The following CABIN1 variants were observed in gnomAD, a reference collection of about 807,000 sequenced individuals.
CABIN1 encodes calcineurin-binding protein cabin-1.
A neutral mutation model predicts 227.7 loss-of-function variants in CABIN1; 133 were observed. The observed-to-expected ratio is 0.58, with a 90% CI of 0.51 to 0.67. The LOEUF is 0.67. Ranked by LOEUF, CABIN1 falls within the 30% of genes least tolerant of loss-of-function variation. CABIN1 has a pLI of 0.00. For synonymous variants in CABIN1, 1,086 were observed against 1,155.1 expected (o/e 0.94, Z 1.21); for missense variants, 2,408 against 2,852.5 (o/e 0.84, Z 3.55).
At chr22:24,137,747 C>T (rs973749398) in intron 29 of CABIN1, among the ~76,000 whole-genome samples, 1 of 152,254 alleles carries the variant, frequency 6.6e-6, no homozygotes, top group Non-Finnish European at 1.5e-5. Context: ...TTCCTGAATG[C>T]TTTCAGCAAA....
intron 32 of CABIN1, 101 bp downstream of exon 32, chr22:24,167,414 C>T (rs887705025): frequency 3.5e-5 from 42 of 1,192,152 alleles, no homozygotes; most frequent in Non-Finnish European, 4.9e-5. Context: ...GCCCTTGGGG[C>T]GGGTTTTAGG....
chr22:24,049,407 C>T (rs2038150947), intron 7 of CABIN1, among the ~76,000 whole-genome samples, 187 bp downstream of exon 7: 1 of 152,178 alleles, frequency 6.6e-6, no homozygotes, highest in Non-Finnish European at 1.5e-5. Context: ...CCCACCTCTA[C>T]CTAATCTTGG....
intron 8 of CABIN1, among the ~76,000 whole-genome samples, chr22:24,051,404 G>A (rs1027908073): frequency 6.6e-6 from 1 of 152,094 alleles, no homozygotes; most frequent in Non-Finnish European, 1.5e-5. Flanking sequence ...CTAGGGCCAC[G>A]TGGGGAGCCC....
intron 24 of CABIN1, among the ~76,000 whole-genome samples, chr22:24,094,850 C>G (rs1259521020): frequency 1.4e-5 from 2 of 140,816 alleles, no homozygotes; most frequent in African/African-American, 2.6e-5. Context: ...AAAAAAGAAA[C>G]AAAAATGACA....
At chr22:24,091,500 C>T (rs1228613018) in intron 23 of CABIN1, 83 bp from the exon 24 acceptor site, 21 of 1,561,402 alleles carry the variant, frequency 1.3e-5, no homozygotes, top group East Asian at 9.0e-5. Context: ...GCAAATAGGT[C>T]GGCAGAGCTT....
rs766971496 is a variant in CABIN1, at chr22:24,067,067, G to A, written c.2118G>A (p.Lys706=). ...GGCTGTATGAAGCAGGCGACTACAA[G>A]GCTGTTGTGCATCTGCTCCGCCCCA... ...IQRLYEAGDY[K]AVVHLLRPTL... Residue 706 remains lysine (K), a synonymous_variant, in exon 16 of 37, where the codon AAG becomes AAA. Transcript: ENST00000263119. 1.7e-5 allele frequency: 28 copies of A among 1,614,220 alleles called. No homozygotes were observed. Among genetic ancestry groups the A allele is most frequent in the African/African-American group, 2.7e-5 (2 of 75,052 alleles).
chr22:24,023,556 T>G (rs2035870911), intron 1 of CABIN1, among the ~76,000 whole-genome samples: 1 of 152,186 alleles, frequency 6.6e-6, no homozygotes, highest in South Asian at 2.1e-4. Context: ...TTATTTTCCA[T>G]TTCCTTTCTG....
chr22:24,105,208 G>A (rs1602110831), intron 26 of CABIN1, among the ~76,000 whole-genome samples: 1 of 152,160 alleles, frequency 6.6e-6, no homozygotes, highest in South Asian at 2.1e-4. Context: ...GTTGCCAGCT[G>A]TCATTCCTTT....
rs1281871148 is a variant in CABIN1, at chr22:24,036,264, C to T, written c.96+83C>T. Reference sequence around the variant, plus strand: ...TCATTTTAAATACATTTAGGCATCTCCTCAGTGGGGCTTTAGGGGGAAATT... The same window carrying T: ...TCATTTTAAATACATTTAGGCATCTTCTCAGTGGGGCTTTAGGGGGAAATT... On this transcript the variant is annotated intron_variant, in intron 3 of 36. Transcript: ENST00000263119. 3.1e-6 allele frequency: 3 copies of T among 971,722 alleles called. No individual in the cohort carries two copies. The African/African-American group carries it at 4.8e-5, about 16-fold the overall frequency. 60.2% of individuals were successfully genotyped at this position (971,722 alleles called of 1,614,324 possible).
chr22:24,177,769 G>A lies in CABIN1; in HGVS notation c.6471G>A (p.Leu2157=). 6.2e-7 allele frequency: 1 copy of A among 1,610,128 alleles called. No individual in the cohort carries two copies. Among genetic ancestry groups the A allele is most frequent in the Non-Finnish European group, 8.5e-7 (1 of 1,177,374 alleles). ...CCGTCACGCCACCCACCCCAACCCT[G>A]CTCTCCCCCAAAGGCAGCATCTCGG... ...EITVTPPTPT[L]LSPKGSISEE... Residue 2157 remains leucine (L), a synonymous_variant, in exon 36 of 37, where the codon CTG becomes CTA. Coordinates refer to ENST00000263119, the MANE Select transcript of CABIN1 (RefSeq NM_012295.4). The surrounding 1 kb of genome is among the most constrained non-coding windows in gnomAD (Gnocchi z 4.4).
rs1033335208 is a variant in CABIN1, at chr22:24,074,646, A to T, written c.2633-1523A>T. 1.1e-4 allele frequency among the ~76,000 whole-genome samples: 16 copies of T among 152,260 alleles called. No individual in the cohort carries two copies. In the South Asian group the frequency reaches 1.9e-3, roughly 18 times the overall value. On this transcript the variant is annotated intron_variant, in intron 18 of 36. Coordinates refer to ENST00000263119, the MANE Select transcript of CABIN1 (RefSeq NM_012295.4). ...TTGGGTGGTGAGGGGCCTGGTGAGG[A>T]TATTATCACCCAGGAAAAATAATAA... is the stretch of plus-strand genomic sequence containing the variant.
chr22:24,072,566 T>C, intron 18 of CABIN1, 56 bp downstream of exon 18: 1 of 1,604,616 alleles, frequency 6.2e-7, no homozygotes, highest in Non-Finnish European at 8.5e-7. Flanking sequence ...TCCTTGCCCC[T>C]GTCCTCTGCC....
chr22:24,119,405 C>T lies in CABIN1; in HGVS notation c.4339C>T (p.Arg1447Trp), dbSNP rs375592028. ...EESLESTEGF[R>W]AAEQGVQKPA... ...GTCATTGGAGAGTACAGAAGGCTTC[C>T]GGGCTGCAGAGCAAGGTGTCCAGAA... is the stretch of plus-strand genomic sequence containing the variant. The change falls in exon 28 of 37, where the codon CGG becomes TGG. Residue 1447 changes from arginine (R) to tryptophan (W), a missense_variant. Arg to Trp is a moderately radical substitution (Grantham distance 101). Coordinates refer to ENST00000263119, the MANE Select transcript of CABIN1 (RefSeq NM_012295.4). The T allele has an allele frequency of 4.8e-5, 78 of 1,613,858 alleles. No individual in the cohort carries two copies. The highest frequency in any genetic ancestry group is 4.0e-4 in the South Asian group (36 of 91,096).
intron 12 of CABIN1, 78 bp from the exon 13 acceptor site, chr22:24,061,869 C>A: frequency 9.8e-7 from 1 of 1,022,618 alleles, no homozygotes; most frequent in Non-Finnish European, 1.6e-6. Context: ...GTTTTGTTTC[C>A]TTCCACAGCC....
At position 24,113,751 on chromosome 22, in the gene CABIN1, A is replaced by G. The variant is rs901128917; in HGVS notation, c.4300+3A>G. The G allele has an allele frequency of 5.6e-6, 9 of 1,613,766 alleles. No individual in the cohort carries two copies. Among genetic ancestry groups the G allele is most frequent in the South Asian group, 1.1e-5 (1 of 91,092 alleles). ...TCAGGGGGCCACAGAAGAAAGAGGT[A>G]TGAAGCCCTAACTCGGTGAATTAGA... On this transcript the variant is annotated splice_donor_region_variant and intron_variant, in intron 27 of 36. Transcript: ENST00000263119.
chr22:24,080,333 C>T (rs1052240561), intron 19 of CABIN1, among the ~76,000 whole-genome samples: 2 of 152,166 alleles, frequency 1.3e-5, no homozygotes, highest in Non-Finnish European at 2.9e-5. Context: ...ACTCACGTAC[C>T]TCTTAGTCTC....
chr22:24,148,823 G>A (rs1033302915), intron 29 of CABIN1, among the ~76,000 whole-genome samples: 1 of 152,242 alleles, frequency 6.6e-6, no homozygotes, highest in Non-Finnish European at 1.5e-5. Flanking sequence ...AGCAGGCCGG[G>A]TGTGAGCCCA....
At chr22:24,090,581 C>G (rs2041480408) in intron 23 of CABIN1, among the ~76,000 whole-genome samples, 1 of 148,640 alleles carries the variant, frequency 6.7e-6, no homozygotes, top group African/African-American at 2.5e-5. Context: ...ACATTGCTCC[C>G]TTATTTCAGT....
intron 1 of CABIN1, among the ~76,000 whole-genome samples, chr22:24,027,558 C>T (rs976454485): frequency 5.3e-5 from 8 of 152,146 alleles, no homozygotes; most frequent in East Asian, 3.8e-4. Flanking sequence ...ATGTAATCCC[C>T]GATGCAACAG....
Sources: allele counts gnomAD v4.1 joint callset (sites outside exome capture counted in the v4.1 genomes callset), GRCh38; gene constraint gnomAD v4.1.1; non-coding constraint Gnocchi (gnomAD v3.1); transcripts MANE v1.5; gene names NCBI Gene and HGNC (gene_info 2026-07-23, HGNC 2026-07-21).